Variants in CELF2 observed in about 807,000 individuals in gnomAD.
CELF2 encodes CUGBP Elav-like family member 2.
A neutral mutation model predicts 62.6 loss-of-function variants in CELF2; 8 were observed. That is an observed-to-expected ratio of 0.13 (90% CI 0.07 to 0.23). The LOEUF (loss-of-function observed/expected upper bound fraction) is 0.23, where lower values mean the gene tolerates loss of function less well. Among genes scored for constraint, CELF2 ranks in the 10% least tolerant of loss-of-function variants. The probability of loss-of-function intolerance (pLI) is 1.00; values close to 1 mark genes in which losing one functional copy is unlikely to be tolerated. For missense variants in CELF2, 333 were observed against 671.0 expected (o/e 0.50, Z 5.56); for synonymous variants, 258 against 250.0 (o/e 1.03, Z -0.30).
At chr10:11,228,684 G>A (rs143391776) in intron 3 of CELF2, among the ~76,000 whole-genome samples, 2 of 145,152 alleles carry the variant, frequency 1.4e-5, no homozygotes, top group South Asian at 2.1e-4. Flanking sequence ...GCTCATAGAG[G>A]CACTATAATC....
chr10:10,702,056 G>T, the CELF2 span, among the ~76,000 whole-genome samples: 1 of 152,200 alleles, frequency 6.6e-6, no homozygotes, highest in African/African-American at 2.4e-5. Context: ...ATTCTGGTAT[G>T]CAGTGTTTGA....
intron 1 of CELF2, among the ~76,000 whole-genome samples, chr10:11,088,117 C>T (rs1047874547): frequency 1.3e-5 from 2 of 152,166 alleles, no homozygotes; most frequent in Non-Finnish European, 2.9e-5. Context: ...AGGCAAAAGC[C>T]AATGCCCACA....
chr10:11,287,258 C>T (rs1159902773), intron 8 of CELF2, among the ~76,000 whole-genome samples: 3 of 152,154 alleles, frequency 2.0e-5, no homozygotes, highest in Non-Finnish European at 4.4e-5. Context: ...ATCTTCAGTT[C>T]CTCTGTGTAG....
the CELF2 span, among the ~76,000 whole-genome samples, chr10:10,467,855 A>G: frequency 1.3e-5 from 2 of 152,084 alleles, no homozygotes; most frequent in Admixed American, 6.6e-5. Context: ...AACGGAATTG[A>G]AAGTTAAAAA....
chr10:10,562,432 T>A, the CELF2 span, among the ~76,000 whole-genome samples: 5 of 152,238 alleles, frequency 3.3e-5, no homozygotes, highest in African/African-American at 1.2e-4. Flanking sequence ...TGTATCAATC[T>A]TCCCAATCAT....
At chr10:10,699,938 T>C in the CELF2 span, among the ~76,000 whole-genome samples, 1 of 152,166 alleles carries the variant, frequency 6.6e-6, no homozygotes, top group African/African-American at 2.4e-5. Context: ...TGCTCTAATC[T>C]ACGTAGAAGC....
chr10:10,800,345 A>G (rs931433344), intron 1 of CELF2, among the ~76,000 whole-genome samples: 3 of 152,110 alleles, frequency 2.0e-5, no homozygotes, highest in African/African-American at 7.2e-5. Context: ...AAAGCACCGT[A>G]ATATTAATGT....
At position 11,331,370 on chromosome 10, in the gene CELF2, TAA is replaced by T. The variant is rs1353411523; in HGVS notation, c.*2318_*2319del. 6.7e-6 allele frequency: 1 copy of T among 149,548 alleles called. No homozygotes were observed. Among genetic ancestry groups the T allele is most frequent in the Non-Finnish European group, 1.5e-5 (1 of 67,468 alleles). 9.3% of individuals were successfully genotyped at this position (149,548 alleles called of 1,614,324 possible). A position where few individuals can be genotyped will look rare whatever the true frequency, so the allele number is the denominator to read the frequency against. On this transcript the variant is annotated 3_prime_UTR_variant, in exon 13 of 13. Coordinates refer to ENST00000633077, the MANE Select transcript of CELF2 (RefSeq NM_001326342.2). ...GAAAAAAAAAAAACCTATTCCAGAA[TAA>T]GTTTTGTGTTGGCTTGTGAAGCATT... is the stretch of plus-strand genomic sequence containing the variant.
At chr10:10,691,023 T>C in the CELF2 span, among the ~76,000 whole-genome samples, 24 of 152,164 alleles carry the variant, frequency 1.6e-4, no homozygotes, top group African/African-American at 5.3e-4. Context: ...TTTATTATTA[T>C]ACTTTAAGTT....
the CELF2 span, among the ~76,000 whole-genome samples, chr10:10,603,020 C>T: frequency 6.6e-6 from 1 of 152,142 alleles, no homozygotes; most frequent in African/African-American, 2.4e-5. Flanking sequence ...TGTTTAGAAA[C>T]ATTTTGGATT....
chr10:10,548,121 G>A, the CELF2 span, among the ~76,000 whole-genome samples: 1 of 152,160 alleles, frequency 6.6e-6, no homozygotes, highest in South Asian at 2.1e-4. Flanking sequence ...CCTGGCTCTG[G>A]CACTAATGAG....
chr10:11,049,251 T>G (rs544058450), intron 1 of CELF2, among the ~76,000 whole-genome samples: 52 of 152,114 alleles, frequency 3.4e-4, no homozygotes, highest in South Asian at 3.3e-3. Context: ...TTTTTCTCCT[T>G]ACAACTTCCT....
At chr10:10,502,695 T>C in the CELF2 span, among the ~76,000 whole-genome samples, 2 of 152,084 alleles carry the variant, frequency 1.3e-5, no homozygotes, top group African/African-American at 4.8e-5. Flanking sequence ...CTTGTCAGTT[T>C]TATTGATTTT....
chr10:11,005,240 AAGACAGAGAGAGAGGGAG>A (rs1452981605), upstream of CELF2: 42 of 1,234,026 alleles, frequency 3.4e-5, no homozygotes, highest in South Asian at 9.9e-5. This position sits in a 1 kb window ranked among gnomAD's most constrained non-coding sequence, Gnocchi z 4.3. Flanking sequence ...AGAGAGTGGG[AAGACAGAGAGAGAGGGAG>A]AGAGAGAGAG....
intron 1 of CELF2, among the ~76,000 whole-genome samples, chr10:11,009,353 G>A (rs2056003682): frequency 6.6e-6 from 1 of 151,954 alleles, no homozygotes; most frequent in African/African-American, 2.4e-5. Flanking sequence ...GTGTGTGAGT[G>A]TGTGTGTGTG....
At chr10:10,634,968 C>T in the CELF2 span, among the ~76,000 whole-genome samples, 2 of 152,160 alleles carry the variant, frequency 1.3e-5, no homozygotes, top group African/African-American at 4.8e-5. Flanking sequence ...CTCAGCCCTC[C>T]AGGTTACATG....
At chr10:10,561,243 G>T in the CELF2 span, among the ~76,000 whole-genome samples, 1 of 152,044 alleles carries the variant, frequency 6.6e-6, no homozygotes, top group East Asian at 1.9e-4. Context: ...CCAGACCCAT[G>T]ACTATTTGCC....
chr10:11,114,534 T>A (rs897122849), intron 1 of CELF2, among the ~76,000 whole-genome samples: 7 of 152,162 alleles, frequency 4.6e-5, no homozygotes, highest in Admixed American at 2.6e-4. Flanking sequence ...CGTCGAGTCA[T>A]AAATCAAAAA....
the CELF2 span, among the ~76,000 whole-genome samples, chr10:10,467,198 A>G: frequency 6.6e-6 from 1 of 152,076 alleles, no homozygotes; most frequent in Non-Finnish European, 1.5e-5. Context: ...GTGCTTCTCT[A>G]TAAATTTTAT....
Sources: allele counts gnomAD v4.1 joint callset (sites outside exome capture counted in the v4.1 genomes callset), GRCh38; gene constraint gnomAD v4.1.1; non-coding constraint Gnocchi (gnomAD v3.1); transcripts MANE v1.5; gene names NCBI Gene and HGNC (gene_info 2026-07-23, HGNC 2026-07-21).